TPH2: variants seen among roughly 807,000 people sequenced by gnomAD.
The protein encoded by TPH2 is tryptophan 5-hydroxylase 2.
In TPH2, 27 loss-of-function variants were observed where a neutral mutation model predicts 59.1. That is an observed-to-expected ratio of 0.46 (90% confidence interval 0.34 to 0.63). TPH2 has a LOEUF of 0.63. Ranked by LOEUF, TPH2 falls within the 30% of genes least tolerant of loss-of-function variation. The probability of loss-of-function intolerance (pLI) is 0.01; values close to 1 mark genes in which losing one functional copy is unlikely to be tolerated. For synonymous variants in TPH2, 220 were observed against 210.5 expected, an observed-to-expected ratio of 1.05 and a Z score of -0.39; for missense variants, 523 against 588.3, an observed-to-expected ratio of 0.89 and a Z score of 1.15.
intron 8 of TPH2, among the ~76,000 whole-genome samples, chr12:72,008,521 T>G (rs1234853595): frequency 6.6e-6 from 1 of 152,198 alleles, no homozygotes; most frequent in Non-Finnish European, 1.5e-5. Context: ...AGTCTCACAA[T>G]GGCACTTCAA....
At chr12:72,005,676 A>G (rs1405240142) in intron 8 of TPH2, among the ~76,000 whole-genome samples, 1 of 152,186 alleles carries the variant, frequency 6.6e-6, no homozygotes, top group Non-Finnish European at 1.5e-5. Flanking sequence ...TATTCTAGAA[A>G]TAGGGGGTTT....
chr12:72,031,197 T>C (rs1555215556), intron 9 of TPH2, 61 bp from the exon 10 acceptor site: 9 of 1,608,658 alleles, frequency 5.6e-6, no homozygotes, highest in Non-Finnish European at 7.7e-6. Flanking sequence ...AAAAATGTGA[T>C]GTCATGGAGC....
At chr12:71,990,472 G>C (rs1566145978) in intron 7 of TPH2, among the ~76,000 whole-genome samples, 1 of 152,224 alleles carries the variant, frequency 6.6e-6, no homozygotes, top group South Asian at 2.1e-4. Flanking sequence ...GCCCCAAAGA[G>C]TGGAGGTGAC....
rs118037486 is a variant in TPH2 at position 71,942,631 on chromosome 12, A to G, written c.255+898A>G. Among the ~76,000 whole-genome samples, 1,194 of 152,288 alleles carry G rather than the reference A, an allele frequency of 7.8e-3. 14 individuals are homozygous for G. Among genetic ancestry groups the G allele is most frequent in the Middle Eastern group, 0.017 (5 of 294 alleles). ...TCTTTATTTGTAAAATTGCATTAAT[A>G]ATTCCTACCTAACAGGATTGCTGGG... is the stretch of plus-strand genomic sequence containing the variant. On this transcript the variant is annotated intron_variant, in intron 2 of 10. Coordinates refer to ENST00000333850, the MANE Select transcript of TPH2 (RefSeq NM_173353.4).
At chr12:71,948,523 G>A (rs1216194625) in intron 4 of TPH2, among the ~76,000 whole-genome samples, 1 of 152,162 alleles carries the variant, frequency 6.6e-6, no homozygotes, top group African/African-American at 2.4e-5. Context: ...CAAGAGAGGG[G>A]CGATTTGCTA....
chr12:71,985,169 A>T (rs1872395832), intron 7 of TPH2, among the ~76,000 whole-genome samples: 1 of 152,210 alleles, frequency 6.6e-6, no homozygotes. Flanking sequence ...AGACACAGAA[A>T]GGTTAAGTAC....
At chr12:71,963,922 A>G (rs1465047806) in intron 5 of TPH2, among the ~76,000 whole-genome samples, 1 of 51,836 alleles carries the variant, frequency 1.9e-5, no homozygotes, top group African/African-American at 5.4e-5. Context: ...TTAAAAAATT[A>G]TTCTTCTCTT....
intron 7 of TPH2, among the ~76,000 whole-genome samples, chr12:71,992,463 G>C (rs1411811780): frequency 6.6e-6 from 1 of 150,898 alleles, no homozygotes; most frequent in Non-Finnish European, 1.5e-5. Context: ...AATTAGCCAG[G>C]TGTGGTGGCA....
Position 71,938,910 on chromosome 12 carries a change from C to A in TPH2, c.-77C>A. ...GCAGGCAGCTGATCGCACGCCCCTT[C>A]CTCTCAATCTCCGCCAGCGCTGCTA... On this transcript the variant is annotated 5_prime_UTR_variant, in exon 1 of 11. Coordinates refer to ENST00000333850, the MANE Select transcript of TPH2 (RefSeq NM_173353.4). 1 of 1,264,570 alleles carries A rather than the reference C, an allele frequency of 7.9e-7. No individual in the cohort carries two copies. Among genetic ancestry groups the A allele is most frequent in the Non-Finnish European group, 1.2e-6 (1 of 866,570 alleles). The allele number at this position is 1,264,570 out of a possible 1,614,324, so 78.3% of individuals were successfully genotyped here.
At chr12:72,025,283 G>A (rs773377559) in intron 9 of TPH2, among the ~76,000 whole-genome samples, 6 of 152,060 alleles carry the variant, frequency 3.9e-5, no homozygotes, top group Non-Finnish European at 8.8e-5. Flanking sequence ...AGGGTTTTGG[G>A]GTCATCTTTA....
chr12:71,941,879 G>T (rs1225621627), intron 2 of TPH2, 146 bp downstream of exon 2: 2 of 913,162 alleles, frequency 2.2e-6, no homozygotes, highest in African/African-American at 1.6e-5. Flanking sequence ...GGCTTTAAAA[G>T]GGGAGTTGTC....
chr12:71,974,728 G>A (rs1258758093), intron 6 of TPH2, among the ~76,000 whole-genome samples: 1 of 152,242 alleles, frequency 6.6e-6, no homozygotes, highest in Admixed American at 6.5e-5. Flanking sequence ...GCCACTTATG[G>A]CTTCATGACA....
At chr12:72,016,237 G>A (rs371833310) in intron 8 of TPH2, among the ~76,000 whole-genome samples, 33 of 151,984 alleles carry the variant, frequency 2.2e-4, no homozygotes, top group East Asian at 9.6e-4. Context: ...TTCTGGTTGA[G>A]TTTTCCTATT....
At chr12:71,975,774 G>C (rs1872101109) in intron 6 of TPH2, among the ~76,000 whole-genome samples, 1 of 152,186 alleles carries the variant, frequency 6.6e-6, no homozygotes, top group Admixed American at 6.5e-5. Flanking sequence ...GAGGAAAAGA[G>C]ATTGAGAACT....
intron 5 of TPH2, among the ~76,000 whole-genome samples, chr12:71,967,223 C>T (rs1444712402): frequency 6.6e-6 from 1 of 152,176 alleles, no homozygotes; most frequent in African/African-American, 2.4e-5. Flanking sequence ...ATGCACTTTC[C>T]ACTCCTTCTT....
chr12:71,963,841 C>A lies in TPH2; in HGVS notation c.609-8678C>A, dbSNP rs1425884591. Among the ~76,000 whole-genome samples the A allele has an allele frequency of 8.1e-5, 4 of 49,108 alleles. 1 individual carries two copies. The highest frequency in any genetic ancestry group is 2.3e-4 in the African/African-American group (4 of 17,308). 32.2% of individuals were successfully genotyped at this position (49,108 alleles called of 152,430 possible). A position where few individuals can be genotyped will look rare whatever the true frequency, so the allele number is the denominator to read the frequency against. ...AAAAAAAAAAAAATCTGCTTAGCAA[C>A]TTCCATTTGACATAGGTGGTATGAC... On this transcript the variant is annotated intron_variant, in intron 5 of 10. Transcript: ENST00000333850.
chr12:72,007,708 T>C (rs1872992146), intron 8 of TPH2, among the ~76,000 whole-genome samples: 1 of 152,196 alleles, frequency 6.6e-6, no homozygotes, highest in Non-Finnish European at 1.5e-5. Context: ...TAAAATGACA[T>C]GCTTTAGAAA....
chr12:72,001,213 A>G (rs1872812887), intron 8 of TPH2, among the ~76,000 whole-genome samples: 2 of 152,164 alleles, frequency 1.3e-5, no homozygotes, highest in South Asian at 2.1e-4. Flanking sequence ...AATCATGTTT[A>G]CCTTCACTTT....
rs117444447 is a variant in TPH2 at position 72,020,048 on chromosome 12, T to C, written c.1069-2351T>C. ...TATTAATCCAGTGCTTATTAGGCTC[T>C]TGTTATCTTTCAGACAATAGTCTAG... On this transcript the variant is annotated intron_variant, in intron 8 of 10. Coordinates refer to ENST00000333850, the MANE Select transcript of TPH2 (RefSeq NM_173353.4). 9.8e-4 allele frequency among the ~76,000 whole-genome samples: 150 copies of C among 152,360 alleles called. 4 individuals are homozygous for C. The East Asian group carries it at 0.015, about 15-fold the overall frequency.
Sources: gnomAD v4.1 joint callset for allele counts (sites outside exome capture counted in the v4.1 genomes callset) on GRCh38, gnomAD v4.1.1 for gene constraint, MANE v1.5 for transcripts, NCBI Gene and HGNC (gene_info 2026-07-23, HGNC 2026-07-21) for gene names.